The following IMMP2L variants were observed in gnomAD, a reference collection of about 807,000 sequenced individuals.
IMMP2L encodes the protein mitochondrial inner membrane protease subunit 2.
In IMMP2L, 18 loss-of-function variants were observed where a neutral mutation model predicts 19.3. The observed-to-expected ratio is 0.93, with a 90% confidence interval of 0.64 to 1.38. The LOEUF is 1.38. Among genes scored for constraint, IMMP2L ranks in the 40% most tolerant of loss-of-function variants. The pLI is 0.00. For missense variants in IMMP2L, 233 were observed against 218.2 expected, an observed-to-expected ratio of 1.07 and a Z score of -0.43; for synonymous variants, 76 against 73.0, an observed-to-expected ratio of 1.04 and a Z score of -0.21.
In IMMP2L at chr7:110,663,217, T is replaced by C. The variant is rs1226067642; in HGVS notation, c.*385A>G. ...GCAAGTGACAAATACATCATTTTTA[T>C]TGAATATTAATTTTCAATTTATTTC... On this transcript the variant is annotated 3_prime_UTR_variant, in exon 6 of 6. Coordinates refer to ENST00000405709, the MANE Select transcript of IMMP2L (RefSeq NM_032549.4). 5.1e-6 allele frequency: 1 copy of C among 197,980 alleles called. No homozygotes were observed. The highest frequency in any genetic ancestry group is 2.4e-5 in the African/African-American group (1 of 41,840). The allele number at this position is 197,980 out of a possible 1,614,324, so 12.3% of individuals were successfully genotyped here. A position where few individuals can be genotyped will look rare whatever the true frequency, so the allele number is the denominator to read the frequency against.
intron 3 of IMMP2L, among the ~76,000 whole-genome samples, chr7:111,412,913 TAAC>T (rs1359825691): frequency 4.0e-5 from 6 of 151,422 alleles, no homozygotes; most frequent in Non-Finnish European, 7.4e-5. Flanking sequence ...GAAGAAATAA[TAAC>T]AAGCAAATAA....
At chr7:110,788,070 C>T (rs1455522773) in intron 5 of IMMP2L, among the ~76,000 whole-genome samples, 19 of 151,858 alleles carry the variant, frequency 1.3e-4, no homozygotes, top group Admixed American at 1.2e-3. Context: ...CTTTTTTTCC[C>T]CACTAGTTTA....
intron 3 of IMMP2L, among the ~76,000 whole-genome samples, chr7:111,445,499 A>C (rs1441727128): frequency 6.6e-6 from 1 of 152,182 alleles, no homozygotes; most frequent in Non-Finnish European, 1.5e-5. Flanking sequence ...GATGAATAAT[A>C]AAGAAGTATA....
intron 3 of IMMP2L, among the ~76,000 whole-genome samples, chr7:110,982,102 T>C (rs914733732): frequency 6.6e-6 from 1 of 152,204 alleles, no homozygotes; most frequent in African/African-American, 2.4e-5. Context: ...AGGTATTAAC[T>C]GTGCAAATTT....
chr7:111,281,729 T>C (rs1029306368), intron 3 of IMMP2L, among the ~76,000 whole-genome samples: 3 of 152,120 alleles, frequency 2.0e-5, no homozygotes, highest in Non-Finnish European at 4.4e-5. Flanking sequence ...GGGTACTCTG[T>C]TATAAGTCAA....
intron 5 of IMMP2L, among the ~76,000 whole-genome samples, chr7:110,838,499 C>T (rs1430655969): frequency 6.6e-6 from 1 of 152,026 alleles, no homozygotes; most frequent in Non-Finnish European, 1.5e-5. Flanking sequence ...ATAATGAGGG[C>T]TCTACTCTCA....
intron 3 of IMMP2L, among the ~76,000 whole-genome samples, chr7:111,327,683 G>A (rs549026834): frequency 6.6e-6 from 1 of 151,618 alleles, no homozygotes; most frequent in Non-Finnish European, 1.5e-5. Flanking sequence ...ATAAGTTAGA[G>A]GCTAGAAAGT....
chr7:111,112,111 C>G (rs1030931883), intron 3 of IMMP2L, among the ~76,000 whole-genome samples: 1 of 151,442 alleles, frequency 6.6e-6, no homozygotes, highest in Non-Finnish European at 1.5e-5. Flanking sequence ...CCACACCCGG[C>G]TAATTTTTGT....
At position 111,006,505 on chromosome 7, in the gene IMMP2L, A is replaced by G. The variant is rs558068213; in HGVS notation, c.240-42940T>C. On this transcript the variant is annotated intron_variant, in intron 3 of 5. Coordinates refer to ENST00000405709, the MANE Select transcript of IMMP2L (RefSeq NM_032549.4). Reference sequence around the variant, plus strand: ...TAGCTATTTATTTTAACATTCATTCACTCATGAGGCATCTATTAAGCTCAA... The same window carrying G: ...TAGCTATTTATTTTAACATTCATTCGCTCATGAGGCATCTATTAAGCTCAA... Among the ~76,000 whole-genome samples, 4 of 152,234 alleles carry G rather than the reference A, an allele frequency of 2.6e-5. No homozygotes were observed. In the South Asian group the frequency reaches 8.3e-4, roughly 32 times the overall value.
intron 3 of IMMP2L, among the ~76,000 whole-genome samples, chr7:111,252,435 A>G (rs1816249255): frequency 6.6e-6 from 1 of 152,178 alleles, no homozygotes; most frequent in African/African-American, 2.4e-5. Context: ...TTATTATGGC[A>G]GATAAACAAG....
At chr7:111,336,579 GT>G in intron 3 of IMMP2L, among the ~76,000 whole-genome samples, 1 of 152,038 alleles carries the variant, frequency 6.6e-6, no homozygotes. Flanking sequence ...CTACAGTAGT[GT>G]TTTAATTTCA....
chr7:111,073,767 G>A (rs1212782527), intron 3 of IMMP2L, among the ~76,000 whole-genome samples: 1 of 152,068 alleles, frequency 6.6e-6, no homozygotes, highest in African/African-American at 2.4e-5. Flanking sequence ...CCTTAGTTGT[G>A]TTACCAATTA....
At chr7:110,916,568 T>G (rs1407347540) in intron 4 of IMMP2L, among the ~76,000 whole-genome samples, 1 of 152,212 alleles carries the variant, frequency 6.6e-6, no homozygotes, top group Non-Finnish European at 1.5e-5. Flanking sequence ...CCAAAACCAT[T>G]AATATATTCC....
intron 5 of IMMP2L, among the ~76,000 whole-genome samples, chr7:110,719,793 G>A (rs1188125670): frequency 1.3e-5 from 2 of 152,140 alleles, no homozygotes; most frequent in Non-Finnish European, 2.9e-5. Context: ...TTACAATAAT[G>A]AGAGTTCATC....
At chr7:111,321,263 C>T (rs527301644) in intron 3 of IMMP2L, among the ~76,000 whole-genome samples, 1 of 151,862 alleles carries the variant, frequency 6.6e-6, no homozygotes, top group African/African-American at 2.4e-5. Flanking sequence ...TAAGTCAACA[C>T]ACAATTGGCT....
In IMMP2L at chr7:111,403,476, G is replaced by A. The variant is rs114180674; in HGVS notation, c.239+83762C>T. On this transcript the variant is annotated intron_variant, in intron 3 of 5. Transcript: ENST00000405709. Reference sequence around the variant, plus strand: ...ATATATATATATATATTTTTAAACAGGGTCTCACTTTGTCACCCAGGTTGG... The same window carrying A: ...ATATATATATATATATTTTTAAACAAGGTCTCACTTTGTCACCCAGGTTGG... Among the ~76,000 whole-genome samples, 528 of 151,642 alleles carry A rather than the reference G, an allele frequency of 3.5e-3. 6 individuals are homozygous for A. Among genetic ancestry groups the A allele is most frequent in the African/African-American group, 0.012 (499 of 41,190 alleles).
intron 1 of IMMP2L, among the ~76,000 whole-genome samples, chr7:111,549,964 G>A (rs1276699113): frequency 6.7e-6 from 1 of 149,988 alleles, no homozygotes; most frequent in Non-Finnish European, 1.5e-5. Context: ...AAAACATAGT[G>A]AGACTCATAA....
At chr7:110,718,483 A>C (rs1795366009) in intron 5 of IMMP2L, among the ~76,000 whole-genome samples, 1 of 152,194 alleles carries the variant, frequency 6.6e-6, no homozygotes, top group Admixed American at 6.5e-5. Flanking sequence ...CTTCGGTGGC[A>C]TTCAGTGTTT....
intron 3 of IMMP2L, among the ~76,000 whole-genome samples, chr7:111,372,725 C>T (rs566281312): frequency 6.6e-6 from 1 of 151,940 alleles, no homozygotes; most frequent in Middle Eastern, 3.4e-3. Context: ...TCTTTCCCTC[C>T]TAGTCTACCC....
Sources: allele counts gnomAD v4.1 joint callset (sites outside exome capture counted in the v4.1 genomes callset), GRCh38; gene constraint gnomAD v4.1.1; transcripts MANE v1.5; gene names NCBI Gene and HGNC (gene_info 2026-07-23, HGNC 2026-07-21).